The following FBXL17 variants were observed in gnomAD, a reference collection of about 807,000 sequenced individuals.
FBXL17 encodes F-box/LRR-repeat protein 17.
A neutral mutation model predicts 66.2 loss-of-function variants in FBXL17; 22 were observed. The ratio of observed to expected loss-of-function variants is 0.33; its 90% CI spans 0.24 to 0.47. The LOEUF (loss-of-function observed/expected upper bound fraction) is 0.47. FBXL17 is among the 20% of genes least tolerant of loss of function. FBXL17 has a pLI of 1.00. For synonymous variants in FBXL17, 474 were observed against 400.5 expected (o/e 1.18, Z -2.19); for missense variants, 878 against 948.2 (o/e 0.93, Z 0.97).
At chr5:107,925,471 T>C (rs1387804988) in intron 7 of FBXL17, among the ~76,000 whole-genome samples, 2 of 152,196 alleles carry the variant, frequency 1.3e-5, no homozygotes, top group African/African-American at 4.8e-5. Context: ...TACCTGTCTG[T>C]GACTTTGTTG....
intron 7 of FBXL17, among the ~76,000 whole-genome samples, chr5:108,016,381 T>A (rs1353201038): frequency 2.0e-5 from 3 of 152,286 alleles, no homozygotes; most frequent in Admixed American, 6.5e-5. Context: ...AACAACAGTG[T>A]CAGTATTTGA....
intron 3 of FBXL17, among the ~76,000 whole-genome samples, chr5:108,362,150 T>C (rs1041890636): frequency 1.3e-5 from 2 of 152,170 alleles, no homozygotes; most frequent in African/African-American, 2.4e-5. Context: ...ATTTTGCTGA[T>C]AGTACTCTAA....
intron 7 of FBXL17, among the ~76,000 whole-genome samples, chr5:107,907,268 G>T (rs1269992261): frequency 6.6e-6 from 1 of 152,126 alleles, no homozygotes; most frequent in Non-Finnish European, 1.5e-5. Context: ...CAGTGACAAT[G>T]ATCTAAATGG....
intron 4 of FBXL17, among the ~76,000 whole-genome samples, chr5:108,346,212 A>G (rs1747271323): frequency 6.6e-6 from 1 of 152,168 alleles, no homozygotes; most frequent in South Asian, 2.1e-4. Flanking sequence ...TATCCAATAA[A>G]GAGTTCAAAT....
intron 6 of FBXL17, among the ~76,000 whole-genome samples, chr5:108,144,396 A>G (rs1751478572): frequency 6.6e-6 from 1 of 152,230 alleles, no homozygotes; most frequent in African/African-American, 2.4e-5. Context: ...CTAACATGAA[A>G]AAGCCCTCAT....
chr5:108,355,342 G>A (rs982339511), intron 3 of FBXL17, among the ~76,000 whole-genome samples: 2 of 151,062 alleles, frequency 1.3e-5, no homozygotes, highest in Admixed American at 6.6e-5. Context: ...AGTCTGGAGC[G>A]CAGTGGCATG....
At chr5:108,147,614 C>T (rs1751609430) in intron 6 of FBXL17, among the ~76,000 whole-genome samples, 1 of 152,138 alleles carries the variant, frequency 6.6e-6, no homozygotes, top group Admixed American at 6.5e-5. Flanking sequence ...TCCAGAAGAA[C>T]ACATCAGCAT....
intron 4 of FBXL17, among the ~76,000 whole-genome samples, chr5:108,336,260 G>A (rs1007665637): frequency 1.3e-5 from 2 of 152,152 alleles, no homozygotes; most frequent in Non-Finnish European, 2.9e-5. Flanking sequence ...CAATGCCGGT[G>A]TTCTGAACTA....
chr5:108,146,187 G>A (rs929420045), intron 6 of FBXL17, among the ~76,000 whole-genome samples: 4 of 150,824 alleles, frequency 2.7e-5, no homozygotes, highest in African/African-American at 7.3e-5. Flanking sequence ...AGCCGAGATG[G>A]CACCACTGCA....
chr5:108,100,964 C>CA (rs1014843089), intron 6 of FBXL17, among the ~76,000 whole-genome samples: 6 of 151,380 alleles, frequency 4.0e-5, no homozygotes, highest in East Asian at 1.9e-4. Flanking sequence ...AATTCTGCAG[C>CA]AAAAAAAAAT....
chr5:108,258,112 A>C (rs1756653069), intron 4 of FBXL17, among the ~76,000 whole-genome samples: 1 of 152,138 alleles, frequency 6.6e-6, no homozygotes, highest in Admixed American at 6.5e-5. Flanking sequence ...CTAACTCCAG[A>C]CTGTATCTGG....
At chr5:107,965,572 T>C (rs13174010) in intron 7 of FBXL17, among the ~76,000 whole-genome samples, 14,840 of 152,170 alleles carry the variant, frequency 0.098, 820 homozygotes, top group South Asian at 0.13. Context: ...ATAGATAAGA[T>C]CCTTTGAAAC....
intron 7 of FBXL17, among the ~76,000 whole-genome samples, chr5:108,008,852 G>A (rs565680402): frequency 6.6e-6 from 1 of 152,064 alleles, no homozygotes; most frequent in South Asian, 2.1e-4. Flanking sequence ...GGAAGGGATT[G>A]GATCCTATTA....
intron 7 of FBXL17, among the ~76,000 whole-genome samples, chr5:107,894,709 A>G (rs371662184): frequency 2.0e-5 from 3 of 152,284 alleles, no homozygotes; most frequent in Admixed American, 6.5e-5. Context: ...TGTGAGATTT[A>G]TACATAAATC....
chr5:107,994,772 A>T (rs1753404085), intron 7 of FBXL17, among the ~76,000 whole-genome samples: 4 of 152,130 alleles, frequency 2.6e-5, no homozygotes, highest in African/African-American at 9.7e-5. Context: ...CGGGAGGCGG[A>T]GGTTGCAGTG....
chr5:108,055,094 T>C lies in FBXL17; in HGVS notation c.1746-34093A>G, dbSNP rs151083326. Among the ~76,000 whole-genome samples the C allele has an allele frequency of 6.6e-3, 1,009 of 152,108 alleles. 12 individuals carry two copies. Among genetic ancestry groups the C allele is most frequent in the African/African-American group, 0.024 (977 of 41,524 alleles). On this transcript the variant is annotated intron_variant, in intron 6 of 8. Coordinates refer to ENST00000542267, the MANE Select transcript of FBXL17 (RefSeq NM_001163315.3). ...TCCAAGGGTTTTTAAAAATTTTTCA[T>C]CTTCAATAAAATAACAGAACGATAT...
intron 6 of FBXL17, among the ~76,000 whole-genome samples, chr5:108,117,038 C>A (rs1580464170): frequency 6.6e-6 from 1 of 152,120 alleles, no homozygotes; most frequent in South Asian, 2.1e-4. Context: ...ATTGGGAAAT[C>A]GACTTAAGGC....
At chr5:107,966,246 C>T (rs1318970583) in intron 7 of FBXL17, among the ~76,000 whole-genome samples, 4 of 152,032 alleles carry the variant, frequency 2.6e-5, no homozygotes, top group African/African-American at 7.2e-5. Flanking sequence ...AGGGATAAGC[C>T]CTGACTATCT....
intron 6 of FBXL17, among the ~76,000 whole-genome samples, chr5:108,057,929 G>A (rs1054694484): frequency 2.6e-5 from 4 of 152,110 alleles, no homozygotes; most frequent in South Asian, 2.1e-4. Context: ...AAAACACCAC[G>A]TGAGGTGGTT....
Sources: allele counts gnomAD v4.1 joint callset (sites outside exome capture counted in the v4.1 genomes callset), GRCh38; gene constraint gnomAD v4.1.1; transcripts MANE v1.5; gene names NCBI Gene and HGNC (gene_info 2026-07-23, HGNC 2026-07-21).